Variants in OR56A3 observed in about 807,000 individuals in gnomAD.
OR56A3 encodes olfactory receptor family 56 subfamily A member 3, also known as olfactory receptor 56A3.
In OR56A3, 23 loss-of-function variants were observed where a neutral mutation model predicts 17.5. The ratio of observed to expected loss-of-function variants is 1.32; its 90% confidence interval spans 0.95 to 1.87. The LOEUF (loss-of-function observed/expected upper bound fraction) is 1.87, where lower values mean the gene tolerates loss of function less well. OR56A3 is among the 40% of genes most tolerant of loss of function. The pLI is 0.00. For synonymous variants in OR56A3, 175 were observed against 150.6 expected (o/e 1.16, Z -1.19); for missense variants, 366 against 380.1 (o/e 0.96, Z 0.31).
the OR56A3 span, among the ~76,000 whole-genome samples, chr11:5,983,587 T>C: frequency 4.6e-5 from 7 of 152,156 alleles, no homozygotes; most frequent in African/African-American, 1.7e-4. Context: ...ATACTGCCTA[T>C]TAGAACAAAA....
At chr11:5,961,175 G>A in the OR56A3 span, among the ~76,000 whole-genome samples, 23 of 151,438 alleles carry the variant, frequency 1.5e-4, no homozygotes, top group East Asian at 4.5e-3. Flanking sequence ...TGGGAGGTGG[G>A]GGGCCCCTCT....
At position 5,944,873 on chromosome 11, in the gene OR56A3, T is replaced by C. The variant is rs1392063463; in HGVS notation, c.-246T>C. The C allele has an allele frequency of 6.6e-6, 1 of 152,164 alleles. No individual in the cohort carries two copies. The highest frequency in any genetic ancestry group is 1.5e-5 in the Non-Finnish European group (1 of 68,038). 9.4% of individuals were successfully genotyped at this position (152,164 alleles called of 1,614,324 possible). A position where few individuals can be genotyped will look rare whatever the true frequency, so the allele number is the denominator to read the frequency against. On this transcript the variant is annotated 5_prime_UTR_variant, in exon 2 of 3. Coordinates refer to ENST00000641160, the MANE Select transcript of OR56A3 (RefSeq NM_001003443.3). ...AGGTGAAGGGCCATGCCTGGCAGACTACATGGGGAATCAGAGGATCAAGAG... is the reference window on the plus strand; with the variant it reads ...AGGTGAAGGGCCATGCCTGGCAGACCACATGGGGAATCAGAGGATCAAGAG...
chr11:5,955,973 C>T (rs1423010304), downstream of OR56A3, among the ~76,000 whole-genome samples: 1 of 152,192 alleles, frequency 6.6e-6, no homozygotes, highest in African/African-American at 2.4e-5. Flanking sequence ...CATAAAATAC[C>T]TCACTTTTAT....
chr11:5,944,091 G>C (rs1413501553), intron 1 of OR56A3, among the ~76,000 whole-genome samples: 3 of 152,178 alleles, frequency 2.0e-5, no homozygotes, highest in African/African-American at 7.2e-5. Context: ...TCACCAACTG[G>C]AGGCTGGAAG....
chr11:6,002,683 T>G, the OR56A3 span: 2 of 1,614,040 alleles, frequency 1.2e-6, no homozygotes, highest in Non-Finnish European at 1.7e-6. Flanking sequence ...ATGATGAACA[T>G]CTGGAGGAAG....
At chr11:6,014,679 C>T in the OR56A3 span, among the ~76,000 whole-genome samples, 1 of 152,044 alleles carries the variant, frequency 6.6e-6, no homozygotes, top group Non-Finnish European at 1.5e-5. Context: ...GTGGAGGGCT[C>T]AGAAGACAAG....
chr11:6,005,301 A>G, the OR56A3 span, among the ~76,000 whole-genome samples: 1 of 152,210 alleles, frequency 6.6e-6, no homozygotes, highest in African/African-American at 2.4e-5. Context: ...GAGAATAAAG[A>G]CTGTCCTTTT....
the OR56A3 span, chr11:6,021,299 A>T: frequency 6.6e-6 from 1 of 152,094 alleles, no homozygotes; most frequent in Non-Finnish European, 1.5e-5. Context: ...CACAAATTAC[A>T]ATTAGAAAGG....
chr11:6,011,848 G>A, the OR56A3 span, among the ~76,000 whole-genome samples: 5 of 152,132 alleles, frequency 3.3e-5, no homozygotes, highest in African/African-American at 1.2e-4. Context: ...CTGCTGCCAC[G>A]GGCAGACAGA....
Position 5,943,020 on chromosome 11 carries a change from A to G in OR56A3, c.-314+646A>G, listed in dbSNP as rs528291906. ...TTCCTGGCTGGAACTGGAAACCATT[A>G]GCTCCAGTTCCTAAGCCCTAGTGTG... On this transcript the variant is annotated intron_variant, in intron 1 of 2. Coordinates refer to ENST00000641160, the MANE Select transcript of OR56A3 (RefSeq NM_001003443.3). Among the ~76,000 whole-genome samples, 4 of 152,352 alleles carry G rather than the reference A, an allele frequency of 2.6e-5. No homozygotes were observed. In the South Asian group the frequency reaches 8.3e-4, roughly 32 times the overall value.
At chr11:5,956,094 T>C (rs1052131595), downstream of OR56A3, among the ~76,000 whole-genome samples, 1 of 152,226 alleles carries the variant, frequency 6.6e-6, no homozygotes, top group Non-Finnish European at 1.5e-5. Context: ...GCAGTAATTC[T>C]CGATCATAGA....
At chr11:6,006,596 T>C in the OR56A3 span, among the ~76,000 whole-genome samples, 2 of 152,264 alleles carry the variant, frequency 1.3e-5, no homozygotes, top group South Asian at 4.1e-4. Flanking sequence ...CATAGATGAA[T>C]GTAGGGAAGA....
chr11:5,999,030 C>T, the OR56A3 span, among the ~76,000 whole-genome samples: 2 of 152,128 alleles, frequency 1.3e-5, no homozygotes, highest in African/African-American at 4.8e-5. Context: ...CTACGTGTTT[C>T]CGAAGGGATG....
the OR56A3 span, among the ~76,000 whole-genome samples, chr11:5,960,690 G>A: frequency 3.6e-3 from 551 of 152,276 alleles, 1 homozygote; most frequent in Non-Finnish European, 5.9e-3. Flanking sequence ...CCCCGTCTAG[G>A]AAGTGAGGAG....
At chr11:6,017,956 A>G in the OR56A3 span, among the ~76,000 whole-genome samples, 1 of 152,158 alleles carries the variant, frequency 6.6e-6, no homozygotes, top group African/African-American at 2.4e-5. Flanking sequence ...TAAATATTAT[A>G]GTAAAAAGAG....
At chr11:5,954,226 T>C (rs1847922093), downstream of OR56A3, among the ~76,000 whole-genome samples, 1 of 152,206 alleles carries the variant, frequency 6.6e-6, no homozygotes, top group Non-Finnish European at 1.5e-5. Context: ...CATTTTGGTC[T>C]TCAAGTCACC....
At chr11:5,945,451 G>C (rs1213137036) in intron 2 of OR56A3, among the ~76,000 whole-genome samples, 1 of 151,830 alleles carries the variant, frequency 6.6e-6, no homozygotes, top group East Asian at 1.9e-4. Context: ...GTGTGGTGGC[G>C]TGTGCCTGTA....
the OR56A3 span, among the ~76,000 whole-genome samples, chr11:6,016,519 C>T: frequency 3.3e-5 from 5 of 151,748 alleles, no homozygotes; most frequent in South Asian, 6.2e-4. Flanking sequence ...TCTTTCCTTA[C>T]AAAAGTGAAT....
chr11:5,994,281 G>C, the OR56A3 span: 1 of 616,338 alleles, frequency 1.6e-6, no homozygotes, highest in East Asian at 3.6e-5. Flanking sequence ...TCAGCTCCAT[G>C]AGTGTCATCT....
Sources: gnomAD v4.1 joint callset for allele counts (sites outside exome capture counted in the v4.1 genomes callset) on GRCh38, gnomAD v4.1.1 for gene constraint, MANE v1.5 for transcripts, NCBI Gene and HGNC (gene_info 2026-07-23, HGNC 2026-07-21) for gene names.